The following PIGN variants were observed in gnomAD, a reference collection of about 807,000 sequenced individuals.
The protein encoded by PIGN is GPI ethanolamine phosphate transferase 1.
A neutral mutation model predicts 125.4 loss-of-function variants in PIGN; 117 were observed. The ratio of observed to expected loss-of-function variants is 0.93; its 90% confidence interval spans 0.80 to 1.09. The LOEUF is 1.09. Among genes scored for constraint, PIGN ranks in the 50% least tolerant of loss-of-function variants. PIGN has a pLI of 0.00. For missense variants in PIGN, 1,075 were observed against 1,094.9 expected (o/e 0.98, Z 0.26); for synonymous variants, 392 against 377.8 (o/e 1.04, Z -0.44).
chr18:62,025,993 G>A (rs905974328), intron 23 of PIGN, among the ~76,000 whole-genome samples: 19 of 152,276 alleles, frequency 1.2e-4, no homozygotes, highest in African/African-American at 4.1e-4. Context: ...TATCAGAGCT[G>A]TGAAATCTAC....
intron 30 of PIGN, among the ~76,000 whole-genome samples, chr18:62,057,548 T>C (rs2031819605): frequency 6.6e-6 from 1 of 152,224 alleles, no homozygotes; most frequent in African/African-American, 2.4e-5. Context: ...AGCCTCTTCC[T>C]CAATCTTCCT....
chr18:62,078,698 T>C (rs2145840551), intron 28 of PIGN, among the ~76,000 whole-genome samples: 1 of 152,374 alleles, frequency 6.6e-6, no homozygotes, highest in Middle Eastern at 3.4e-3. Flanking sequence ...GTTAGTTATA[T>C]GGTATTATTT....
intron 1 of PIGN, among the ~76,000 whole-genome samples, chr18:62,169,432 T>C (rs1369569407): frequency 6.6e-6 from 1 of 151,976 alleles, no homozygotes; most frequent in African/African-American, 2.4e-5. Context: ...ACAGCTTATG[T>C]ATGGGCGTGT....
chr18:62,105,980 G>A (rs1263681124), intron 19 of PIGN, among the ~76,000 whole-genome samples: 2 of 152,096 alleles, frequency 1.3e-5, no homozygotes, highest in Non-Finnish European at 2.9e-5. Context: ...GTAGTACCAG[G>A]TCCATGACAA....
chr18:62,155,205 T>C (rs955802417), intron 6 of PIGN, among the ~76,000 whole-genome samples: 4 of 152,220 alleles, frequency 2.6e-5, no homozygotes, highest in Non-Finnish European at 4.4e-5. Context: ...CTCATATATT[T>C]GCAAGAGTGT....
At chr18:62,037,540 G>T (rs1396595112), downstream of PIGN, among the ~76,000 whole-genome samples, 1 of 152,238 alleles carries the variant, frequency 6.6e-6, no homozygotes, top group Non-Finnish European at 1.5e-5. Flanking sequence ...TTACGGTGAT[G>T]TAAGTTGTTT....
chr18:62,149,489 C>A (rs756935629), intron 7 of PIGN, among the ~76,000 whole-genome samples: 5 of 152,104 alleles, frequency 3.3e-5, no homozygotes, highest in Non-Finnish European at 7.3e-5. Flanking sequence ...ATGGCTGGTA[C>A]AATATATTCA....
intron 14 of PIGN, among the ~76,000 whole-genome samples, chr18:62,132,642 G>A (rs1599595751): frequency 6.6e-6 from 1 of 151,872 alleles, no homozygotes; most frequent in South Asian, 2.1e-4. Context: ...AGGAGTTCAA[G>A]ATAAGCTTGG....
At chr18:62,071,401 T>C (rs181750531) in intron 30 of PIGN, among the ~76,000 whole-genome samples, 2 of 152,302 alleles carry the variant, frequency 1.3e-5, no homozygotes, top group East Asian at 3.9e-4. Flanking sequence ...TGTAAACATT[T>C]GCTAATGTGC....
chr18:62,067,743 G>A (rs962169240), intron 30 of PIGN, among the ~76,000 whole-genome samples: 1 of 152,170 alleles, frequency 6.6e-6, no homozygotes, highest in Admixed American at 6.5e-5. Context: ...CATTTGGGTT[G>A]TTTCAAGATT....
At chr18:62,093,787 G>A (rs1283702817) in intron 23 of PIGN, among the ~76,000 whole-genome samples, 1 of 151,928 alleles carries the variant, frequency 6.6e-6, no homozygotes, top group African/African-American at 2.4e-5. Flanking sequence ...AATTTACGTA[G>A]AGAACCCTCC....
At chr18:62,129,349 T>C (rs2035649286) in intron 14 of PIGN, among the ~76,000 whole-genome samples, 1 of 152,200 alleles carries the variant, frequency 6.6e-6, no homozygotes, top group South Asian at 2.1e-4. Context: ...CTGCAGCCCA[T>C]AGCAATTAGT....
At chr18:62,091,577 A>G (rs633490) in intron 23 of PIGN, among the ~76,000 whole-genome samples, 125,888 of 152,154 alleles carry the variant, frequency 0.83, 52,748 homozygotes, top group Non-Finnish European at 0.89. Flanking sequence ...TTACAGAAGC[A>G]GGAAACAGAA....
At chr18:62,052,016 G>C (rs1319058326) in intron 30 of PIGN, 1 of 152,232 alleles carries the variant, frequency 6.6e-6, no homozygotes, top group African/African-American at 2.4e-5. Flanking sequence ...GTGGTTTTGA[G>C]TGAGTTTCTT....
chr18:62,047,684 C>T (rs2030851185), intron 30 of PIGN, among the ~76,000 whole-genome samples: 1 of 152,152 alleles, frequency 6.6e-6, no homozygotes, highest in Admixed American at 6.5e-5. Flanking sequence ...AGTGTCCCCT[C>T]TTCCCCTGCC....
intron 30 of PIGN, among the ~76,000 whole-genome samples, chr18:62,058,132 AT>A (rs1177290065): frequency 6.6e-6 from 1 of 152,162 alleles, no homozygotes; most frequent in African/African-American, 2.4e-5. Context: ...TGTAAAACAG[AT>A]GGGCCCTGGC....
intron 22 of PIGN, among the ~76,000 whole-genome samples, chr18:62,099,180 T>G (rs2034335926): frequency 6.6e-6 from 1 of 151,988 alleles, no homozygotes; most frequent in Non-Finnish European, 1.5e-5. Context: ...AAAACCTAAC[T>G]CTACGCAGAA....
chr18:62,063,263 A>G (rs2032296710), intron 30 of PIGN, among the ~76,000 whole-genome samples: 1 of 148,958 alleles, frequency 6.7e-6, no homozygotes, highest in African/African-American at 2.5e-5. Context: ...TATAGATTTT[A>G]GCCAAAATCT....
Position 62,106,865 on chromosome 18 carries a change from T to C in PIGN, c.1691A>G (p.Tyr564Cys), listed in dbSNP as rs2034662447. The C allele has an allele frequency of 2.5e-6, 4 of 1,607,752 alleles. No individual in the cohort carries two copies. The highest frequency in any genetic ancestry group is 3.4e-6 in the Non-Finnish European group (4 of 1,177,046). ...GIEVLVLSFFYRYMLTAGLTA... is the reference protein window; with the variant it reads ...GIEVLVLSFFCRYMLTAGLTA... ...AAGTCCAGCGGTAAGCATATAGCGGTAGAAAAAACTGAGAACCTAGTAATG... is the reference window on the plus strand; with the variant it reads ...AAGTCCAGCGGTAAGCATATAGCGGCAGAAAAAACTGAGAACCTAGTAATG... The change falls in exon 19 of 31, where the codon TAC becomes TGC. Residue 564 changes from tyrosine (Y) to cysteine (C), a missense_variant. By Grantham distance (194) the Tyr-to-Cys change is radical (BLOSUM62 -2). Around this residue, in one of 3 missense-constraint regions of PIGN, gnomAD observed 915 missense variants for 908.7 expected, o/e 1.01. Coordinates refer to ENST00000640252, the MANE Select transcript of PIGN (RefSeq NM_176787.5).
Sources: gnomAD v4.1 joint callset for allele counts (sites outside exome capture counted in the v4.1 genomes callset) on GRCh38, gnomAD v4.1.1 for gene constraint, gnomAD v4.1.1 regional missense constraint, MANE v1.5 for transcripts, NCBI Gene and HGNC (gene_info 2026-07-23, HGNC 2026-07-21) for gene names.